Variants in CDH13 observed in about 807,000 individuals in gnomAD.
CDH13 encodes cadherin 13.
A neutral mutation model predicts 63.8 loss-of-function variants in CDH13; 24 were observed. The observed-to-expected ratio is 0.38, with a 90% CI of 0.27 to 0.53. The LOEUF (loss-of-function observed/expected upper bound fraction) is 0.53, where lower values mean the gene tolerates loss of function less well. Ranked by LOEUF, CDH13 falls within the 20% of genes least tolerant of loss-of-function variation. CDH13 has a pLI of 0.85. For missense variants in CDH13, 1,049 were observed against 903.1 expected (o/e 1.16, Z -2.07); for synonymous variants, 503 against 355.3 (o/e 1.42, Z -4.67).
intron 8 of CDH13, among the ~76,000 whole-genome samples, chr16:83,620,969 A>G (rs1909756692): frequency 2.0e-5 from 3 of 152,166 alleles, no homozygotes; most frequent in Admixed American, 2.0e-4. Flanking sequence ...TCCCCCAGCC[A>G]GTGTGAATAT....
intron 2 of CDH13, among the ~76,000 whole-genome samples, chr16:82,887,413 C>T (rs1377535813): frequency 6.6e-6 from 1 of 152,134 alleles, no homozygotes; most frequent in African/African-American, 2.4e-5. Flanking sequence ...CAGCATGCCC[C>T]TGTGGGTTGG....
At chr16:83,030,153 A>C (rs1916171579) in intron 2 of CDH13, among the ~76,000 whole-genome samples, 1 of 152,122 alleles carries the variant, frequency 6.6e-6, no homozygotes, top group Admixed American at 6.6e-5. Context: ...CCCACACATG[A>C]ATAAGGTATT....
At chr16:82,994,416 G>A (rs1911984804) in intron 2 of CDH13, among the ~76,000 whole-genome samples, 2 of 152,104 alleles carry the variant, frequency 1.3e-5, no homozygotes, top group South Asian at 4.1e-4. Flanking sequence ...TTAGGGAGGG[G>A]CAGGGATTTC....
chr16:82,757,841 G>A lies in CDH13; in HGVS notation c.46-100521G>A, dbSNP rs1019288063. On this transcript the variant is annotated intron_variant, in intron 1 of 13. Coordinates refer to ENST00000567109, the MANE Select transcript of CDH13 (RefSeq NM_001257.5). ...AATTTTTGTATTTTTAGTAGAGACA[G>A]AGTTTCACCACGTTACACAAGATGG... Among the ~76,000 whole-genome samples the A allele has an allele frequency of 1.9e-4, 29 of 152,148 alleles. No individual in the cohort carries two copies. In the East Asian group the frequency reaches 4.8e-3, roughly 25 times the overall value.
chr16:82,706,600 G>A (rs2031509974), intron 1 of CDH13, among the ~76,000 whole-genome samples: 1 of 151,582 alleles, frequency 6.6e-6, no homozygotes, highest in African/African-American at 2.4e-5. Context: ...TTGGAGACCA[G>A]CCTGGCCAAC....
At chr16:83,314,186 C>T (rs1597725977) in intron 5 of CDH13, among the ~76,000 whole-genome samples, 1 of 152,236 alleles carries the variant, frequency 6.6e-6, no homozygotes, top group East Asian at 1.9e-4. Context: ...TTATTCACTC[C>T]CAACACACTT....
chr16:82,970,018 A>G (rs1315601784), intron 2 of CDH13, among the ~76,000 whole-genome samples: 1 of 151,302 alleles, frequency 6.6e-6, no homozygotes, highest in African/African-American at 2.4e-5. Context: ...TACACGTGCT[A>G]TGGTGGTTTG....
At chr16:82,631,022 C>A (rs1463202361) in intron 1 of CDH13, among the ~76,000 whole-genome samples, 1 of 152,212 alleles carries the variant, frequency 6.6e-6, no homozygotes, top group Non-Finnish European at 1.5e-5. Context: ...CACAATCACC[C>A]CCAAATGAGA....
At chr16:82,665,992 T>C (rs1205881108) in intron 1 of CDH13, among the ~76,000 whole-genome samples, 11 of 152,300 alleles carry the variant, frequency 7.2e-5, no homozygotes, top group Admixed American at 7.2e-4. Context: ...CATTGTAAAG[T>C]TGAAAAACTG....
chr16:83,352,525 A>T (rs752293530), intron 6 of CDH13, among the ~76,000 whole-genome samples: 1 of 152,242 alleles, frequency 6.6e-6, no homozygotes, highest in Non-Finnish European at 1.5e-5. Flanking sequence ...ACTCATGGTT[A>T]TCACTACGTA....
intron 1 of CDH13, among the ~76,000 whole-genome samples, chr16:82,742,572 A>C (rs568672766): frequency 1.3e-5 from 2 of 152,140 alleles, no homozygotes; most frequent in African/African-American, 4.8e-5. Context: ...AAGAACTGAA[A>C]TGAATTTTCT....
chr16:83,598,916 A>C (rs1173169793), intron 7 of CDH13, among the ~76,000 whole-genome samples: 1 of 152,210 alleles, frequency 6.6e-6, no homozygotes, highest in African/African-American at 2.4e-5. Flanking sequence ...CTAAAGGACA[A>C]TGTCCTGGAA....
At chr16:83,667,202 A>T (rs920356618) in intron 8 of CDH13, among the ~76,000 whole-genome samples, 1 of 152,144 alleles carries the variant, frequency 6.6e-6, no homozygotes, top group Non-Finnish European at 1.5e-5. Flanking sequence ...CACAATGCAC[A>T]TCTCTGAGAA....
At chr16:83,472,450 T>C (rs757164778) in intron 6 of CDH13, among the ~76,000 whole-genome samples, 3 of 152,206 alleles carry the variant, frequency 2.0e-5, no homozygotes, top group African/African-American at 7.2e-5. Flanking sequence ...GGAGCCATGA[T>C]GACTCTGGAG....
chr16:82,841,445 T>C (rs1368858974), intron 1 of CDH13, among the ~76,000 whole-genome samples: 2 of 152,224 alleles, frequency 1.3e-5, no homozygotes, highest in African/African-American at 2.4e-5. Flanking sequence ...TATCCTGTAG[T>C]TTAGCAAAGC....
chr16:83,314,168 A>T (rs937838272), intron 5 of CDH13, among the ~76,000 whole-genome samples: 3 of 152,172 alleles, frequency 2.0e-5, no homozygotes, highest in Admixed American at 6.5e-5. Flanking sequence ...ATTTATTTTT[A>T]ATAAACTTTA....
intron 2 of CDH13, among the ~76,000 whole-genome samples, chr16:83,024,069 A>C (rs1915584987): frequency 6.6e-6 from 1 of 152,194 alleles, no homozygotes; most frequent in Non-Finnish European, 1.5e-5. Flanking sequence ...TGGATATCAT[A>C]GCCTTCCTGG....
At chr16:83,264,717 A>G (rs1409372210) in intron 5 of CDH13, among the ~76,000 whole-genome samples, 1 of 151,432 alleles carries the variant, frequency 6.6e-6, no homozygotes, top group Non-Finnish European at 1.5e-5. Flanking sequence ...TCTAATTCCT[A>G]GAGACAACAC....
intron 2 of CDH13, among the ~76,000 whole-genome samples, chr16:82,955,989 CTG>C (rs944534900): frequency 1.3e-5 from 2 of 152,138 alleles, no homozygotes; most frequent in African/African-American, 4.8e-5. Context: ...TTTTTTAACT[CTG>C]TGTACTAGAC....
Sources: allele counts gnomAD v4.1 joint callset (sites outside exome capture counted in the v4.1 genomes callset), GRCh38; gene constraint gnomAD v4.1.1; transcripts MANE v1.5; gene names NCBI Gene and HGNC (gene_info 2026-07-23, HGNC 2026-07-21).